Variants in RUNX2 observed in about 807,000 individuals in gnomAD.
RUNX2 encodes RUNX family transcription factor 2.
In RUNX2, 10 loss-of-function variants were observed where a neutral mutation model predicts 51.7. The ratio of observed to expected loss-of-function variants is 0.19; its 90% CI spans 0.12 to 0.33. The LOEUF is 0.33. Among genes scored for constraint, RUNX2 ranks in the 10% least tolerant of loss-of-function variants. The pLI is 1.00. For synonymous variants in RUNX2, 276 were observed against 273.6 expected (o/e 1.01, Z -0.09); for missense variants, 562 against 691.3 (o/e 0.81, Z 2.10).
rs774172072 is a variant in RUNX2, at chr6:45,422,693, A to ACAGCAGCAGCAGCAACAGCAG, written c.193_213dup (p.Gln65_Gln71dup). 2.6e-4 allele frequency: 414 copies of ACAGCAGCAGCAGCAACAGCAG among 1,601,396 alleles called. 2 individuals are homozygous for ACAGCAGCAGCAGCAACAGCAG. Among genetic ancestry groups the ACAGCAGCAGCAGCAACAGCAG allele is most frequent in the Admixed American group, 9.7e-4 (57 of 58,602 alleles). ...TGGTGGCTGCGCAACAGCAGCAGCA[A>ACAGCAGCAGCAGCAACAGCAG]CAGCAGCAGCAGCAACAGCAGCAGC... On this transcript the variant is annotated inframe_insertion, in exon 3 of 9. Transcript: ENST00000647337.
rs537163922 is a variant in RUNX2 at position 45,469,413 on chromosome 6, C to A, written c.686-22528C>A. On this transcript the variant is annotated intron_variant, in intron 5 of 8. Transcript: ENST00000647337. ...TGTTTTTATAACATTTACATTTTAT[C>A]CTCATGTCATAAACTTCTAATAGTA... Among the ~76,000 whole-genome samples the A allele has an allele frequency of 2.2e-4, 34 of 152,210 alleles. No homozygotes were observed. In the South Asian group the frequency reaches 7.1e-3, roughly 32 times the overall value.
chr6:45,487,509 T>C (rs1800319457), intron 5 of RUNX2, among the ~76,000 whole-genome samples: 1 of 152,210 alleles, frequency 6.6e-6, no homozygotes, highest in Non-Finnish European at 1.5e-5. Flanking sequence ...AAGCAAATTT[T>C]TACTTAAATG....
intron 5 of RUNX2, among the ~76,000 whole-genome samples, chr6:45,469,396 T>C (rs1277171826): frequency 6.6e-6 from 1 of 152,252 alleles, no homozygotes; most frequent in African/African-American, 2.4e-5. Context: ...TTTGTTTTTA[T>C]AACATTTACA....
At chr6:45,500,286 C>G (rs1391433814) in intron 6 of RUNX2, among the ~76,000 whole-genome samples, 1 of 152,066 alleles carries the variant, frequency 6.6e-6, no homozygotes, top group Non-Finnish European at 1.5e-5. Flanking sequence ...TAGATATGAT[C>G]AGTCTAAAAA....
At chr6:45,439,508 A>C (rs1422839926) in intron 5 of RUNX2, among the ~76,000 whole-genome samples, 4 of 152,194 alleles carry the variant, frequency 2.6e-5, no homozygotes, top group African/African-American at 9.7e-5. Flanking sequence ...CTAGCCCCGG[A>C]ATTCCTGAAA....
chr6:45,439,578 A>G (rs931076060), intron 5 of RUNX2, among the ~76,000 whole-genome samples: 12 of 152,170 alleles, frequency 7.9e-5, no homozygotes, highest in African/African-American at 2.9e-4. Context: ...AAAATGTAGC[A>G]CCGCTAATAC....
At chr6:45,364,028 T>C (rs12205642) in intron 2 of RUNX2, among the ~76,000 whole-genome samples, 34,290 of 151,418 alleles carry the variant, frequency 0.23, 4,552 homozygotes, top group Non-Finnish European at 0.31. Context: ...GGCAGGAAAA[T>C]CGCTTCAACC....
At chr6:45,402,315 C>A (rs1013638439) in intron 2 of RUNX2, among the ~76,000 whole-genome samples, 1 of 152,124 alleles carries the variant, frequency 6.6e-6, no homozygotes, top group Admixed American at 6.5e-5. Context: ...AAATCATATA[C>A]CATAAGTAGC....
At chr6:45,456,335 C>T (rs956061419) in intron 5 of RUNX2, among the ~76,000 whole-genome samples, 8 of 152,042 alleles carry the variant, frequency 5.3e-5, no homozygotes, top group African/African-American at 9.7e-5. Context: ...GAGTCTTAAT[C>T]GCAAAATGGT....
At chr6:45,409,595 TC>T (rs1306899400) in intron 2 of RUNX2, among the ~76,000 whole-genome samples, 1 of 152,208 alleles carries the variant, frequency 6.6e-6, no homozygotes, top group Non-Finnish European at 1.5e-5. Flanking sequence ...CGAGGTTTTT[TC>T]CCCAATTTAT....
At chr6:45,443,857 T>C (rs1798909977) in intron 5 of RUNX2, among the ~76,000 whole-genome samples, 1 of 152,106 alleles carries the variant, frequency 6.6e-6, no homozygotes, top group Admixed American at 6.6e-5. Flanking sequence ...ATGGTTAAGA[T>C]TAGAGGTTTT....
At chr6:45,432,094 T>C in intron 4 of RUNX2, 75 bp downstream of exon 4, 1 of 1,372,494 alleles carries the variant, frequency 7.3e-7, no homozygotes, top group Non-Finnish European at 1.0e-6. Context: ...GACTAGTCTG[T>C]ATACAAATCA....
intron 2 of RUNX2, chr6:45,378,030 CGCACTGGCAGT>C (rs1216560886): frequency 2.0e-5 from 3 of 152,062 alleles, no homozygotes; most frequent in African/African-American, 7.3e-5. Flanking sequence ...GGACGCCCCC[CGCACTGGCAGT>C]GCGGGCGCAT....
At chr6:45,439,350 G>A (rs1285328366) in intron 5 of RUNX2, among the ~76,000 whole-genome samples, 2 of 152,210 alleles carry the variant, frequency 1.3e-5, no homozygotes, top group South Asian at 2.1e-4. Context: ...TAAGCACCAA[G>A]TCTCTAGTCC....
chr6:45,401,764 C>T (rs1156790193), intron 2 of RUNX2, among the ~76,000 whole-genome samples: 1 of 152,244 alleles, frequency 6.6e-6, no homozygotes, highest in South Asian at 2.1e-4. Flanking sequence ...GTACATCTTC[C>T]TAATGTAGAC....
chr6:45,435,804 CATAG>C (rs1296551195), intron 4 of RUNX2, among the ~76,000 whole-genome samples: 1 of 152,176 alleles, frequency 6.6e-6, no homozygotes, highest in Non-Finnish European at 1.5e-5. Context: ...ATCCTGGGCC[CATAG>C]ACCACTAATC....
chr6:45,387,632 T>G (rs1275707263), intron 2 of RUNX2, among the ~76,000 whole-genome samples: 3 of 152,224 alleles, frequency 2.0e-5, no homozygotes, highest in East Asian at 3.9e-4. Flanking sequence ...GACTGTATTC[T>G]AGCTTCTATC....
chr6:45,457,740 T>C (rs1390020585), intron 5 of RUNX2, among the ~76,000 whole-genome samples: 4 of 152,096 alleles, frequency 2.6e-5, no homozygotes, highest in Admixed American at 2.6e-4. Context: ...AGTAGGAGAC[T>C]AGGTTGGGGA....
At chr6:45,381,174 T>G (rs1242342014) in intron 2 of RUNX2, among the ~76,000 whole-genome samples, 1 of 152,222 alleles carries the variant, frequency 6.6e-6, no homozygotes, top group African/African-American at 2.4e-5. Flanking sequence ...AGTATCTTGT[T>G]TTATGTTTAG....
Sources: allele counts gnomAD v4.1 joint callset (sites outside exome capture counted in the v4.1 genomes callset), GRCh38; gene constraint gnomAD v4.1.1; transcripts MANE v1.5; gene names NCBI Gene and HGNC (gene_info 2026-07-23, HGNC 2026-07-21).